ATP6V0A4: variants seen among roughly 807,000 people sequenced by gnomAD.
ATP6V0A4 encodes the protein V-type proton ATPase 116 kDa subunit a 4.
ATP6V0A4 carries 86 observed loss-of-function variants against 107.3 expected under a neutral mutation model. The ratio of observed to expected loss-of-function variants is 0.80; its 90% CI spans 0.67 to 0.96. ATP6V0A4 has a LOEUF of 0.96. Ranked by LOEUF, ATP6V0A4 falls within the 40% of genes least tolerant of loss-of-function variation. The pLI is 0.00. For missense variants in ATP6V0A4, 908 were observed against 1,045.6 expected (o/e 0.87, Z 1.81); for synonymous variants, 353 against 381.4 (o/e 0.93, Z 0.87).
At chr7:138,794,550 ACTCTCTTGGCTACTC>A (rs1808568171) in intron 1 of ATP6V0A4, among the ~76,000 whole-genome samples, 1 of 151,804 alleles carries the variant, frequency 6.6e-6, no homozygotes, top group Admixed American at 6.6e-5. Context: ...CTGGAATCCC[ACTCTCTTGGCTACTC>A]CTCTCTCCAA....
chr7:138,791,596 T>C (rs1418051398), intron 1 of ATP6V0A4, among the ~76,000 whole-genome samples: 1 of 152,164 alleles, frequency 6.6e-6, no homozygotes, highest in African/African-American at 2.4e-5. Context: ...AGAGGCAAAT[T>C]ATCTGCAATG....
rs145157138 is a variant in ATP6V0A4 at position 138,744,828 on chromosome 7, G to A, written c.1478+295C>T. On this transcript the variant is annotated intron_variant, in intron 14 of 21. Transcript: ENST00000310018. ...AGCAATTCTCCTGCCTCAGCCTCCCGAGTAGCTGAGATTCCAGGCACCTGC... is the reference window on the plus strand; with the variant it reads ...AGCAATTCTCCTGCCTCAGCCTCCCAAGTAGCTGAGATTCCAGGCACCTGC... 8.4e-3 allele frequency among the ~76,000 whole-genome samples: 1,271 copies of A among 152,000 alleles called. 19 individuals are homozygous for A. Among genetic ancestry groups the A allele is most frequent in the African/African-American group, 0.028 (1,172 of 41,458 alleles).
chr7:138,723,281 C>T lies in ATP6V0A4; in HGVS notation c.2011-1256G>A, dbSNP rs192090132. ...ATACACATGGTCATAAATCATCAGT[C>T]GTACCTTCCATGTAGCCTTGTGAAA... On this transcript the variant is annotated intron_variant, in intron 18 of 21. Coordinates refer to ENST00000310018, the MANE Select transcript of ATP6V0A4 (RefSeq NM_020632.3). 2.6e-5 allele frequency among the ~76,000 whole-genome samples: 4 copies of T among 152,130 alleles called. No individual in the cohort carries two copies. The East Asian group carries it at 7.7e-4, about 29-fold the overall frequency.
intron 18 of ATP6V0A4, among the ~76,000 whole-genome samples, chr7:138,727,642 C>T (rs1289883119): frequency 6.6e-6 from 1 of 152,170 alleles, no homozygotes; most frequent in Non-Finnish European, 1.5e-5. Flanking sequence ...GCTGCCTGTC[C>T]AGGTCAATAT....
intron 15 of ATP6V0A4, among the ~76,000 whole-genome samples, chr7:138,736,265 G>T (rs144894401): frequency 6.6e-6 from 1 of 151,944 alleles, no homozygotes; most frequent in Non-Finnish European, 1.5e-5. Flanking sequence ...TAAATAAAAA[G>T]AAAATTTTAA....
At position 138,798,015 on chromosome 7, in the gene ATP6V0A4, C is replaced by A. The variant is rs771429372; in HGVS notation, c.-121+19G>T. 1.9e-6 allele frequency: 3 copies of A among 1,550,158 alleles called. No individual in the cohort carries two copies. The highest frequency in any genetic ancestry group is 2.6e-6 in the Non-Finnish European group (3 of 1,146,506). ...TGGCAGAGTTGCTTTCCAGCTCCTG[C>A]AGGTGGGAGTCGACTCACCTGCAGC... On this transcript the variant is annotated intron_variant, in intron 1 of 21. Transcript: ENST00000310018.
chr7:138,735,797 C>G (rs145469962), intron 15 of ATP6V0A4, among the ~76,000 whole-genome samples: 19 of 152,380 alleles, frequency 1.2e-4, no homozygotes, highest in African/African-American at 4.6e-4. Context: ...TAGACCCAGC[C>G]AAATCTGACA....
intron 20 of ATP6V0A4, among the ~76,000 whole-genome samples, chr7:138,710,478 C>G (rs1015139505): frequency 6.6e-6 from 1 of 152,130 alleles, no homozygotes; most frequent in Non-Finnish European, 1.5e-5. Context: ...CGTAAGCCAC[C>G]GCGCCCAGCC....
rs576453766 is a variant in ATP6V0A4 at position 138,773,354 on chromosome 7, G to A, written c.-17-2090C>T. On this transcript the variant is annotated intron_variant, in intron 2 of 21. Transcript: ENST00000310018. The surrounding 1 kb of genome is among the most constrained non-coding windows in gnomAD (Gnocchi z 5.4). ...CTCTCCACCGTCCATCCCACGCCCC[G>A]CATGACCCTGTCACTCCTCCAGTCT... 1.8e-4 allele frequency among the ~76,000 whole-genome samples: 27 copies of A among 152,100 alleles called. No homozygotes were observed. Among genetic ancestry groups the A allele is most frequent in the African/African-American group, 5.5e-4 (23 of 41,478 alleles).
intron 14 of ATP6V0A4, among the ~76,000 whole-genome samples, chr7:138,741,524 C>G (rs994436241): frequency 3.9e-5 from 6 of 152,168 alleles, no homozygotes; most frequent in African/African-American, 9.7e-5. Context: ...CTTCATAGAA[C>G]AGCAACATCA....
At chr7:138,751,183 T>G (rs1418951242) in intron 11 of ATP6V0A4, among the ~76,000 whole-genome samples, 1 of 152,098 alleles carries the variant, frequency 6.6e-6, no homozygotes, top group Admixed American at 6.6e-5. Flanking sequence ...CCCCGTGAAA[T>G]TATTCAAACA....
chr7:138,712,769 G>A (rs535287127), intron 20 of ATP6V0A4, among the ~76,000 whole-genome samples: 23 of 152,146 alleles, frequency 1.5e-4, no homozygotes, highest in African/African-American at 4.6e-4. Flanking sequence ...GTATGGGCTG[G>A]CCAGAGGACA....
Position 138,771,194 on chromosome 7 carries a change from C to G in ATP6V0A4, c.54G>C (p.Gln18His). ...EEMCLSQLFL[Q>H]VEAAYCCVAE... Reference sequence around the variant, plus strand: ...CCACACAGCAATATGCAGCTTCCACCTGGAGAAACAGTTGTGACAAACACA... The same window carrying G: ...CCACACAGCAATATGCAGCTTCCACGTGGAGAAACAGTTGTGACAAACACA... Residue 18 changes from glutamine to histidine, a missense_variant, in exon 3 of 22, where the codon CAG (glutamine) becomes CAC (histidine). By Grantham distance (24) the Gln-to-His change is conservative (BLOSUM62 0). Coordinates refer to ENST00000310018, the MANE Select transcript of ATP6V0A4 (RefSeq NM_020632.3). The G allele has an allele frequency of 6.2e-7, 1 of 1,614,188 alleles. No individual in the cohort carries two copies. The highest frequency in any genetic ancestry group is 8.5e-7 in the Non-Finnish European group (1 of 1,180,026).
chr7:138,738,964 G>T (rs1050192890), intron 15 of ATP6V0A4, among the ~76,000 whole-genome samples: 1 of 152,184 alleles, frequency 6.6e-6, no homozygotes, highest in Non-Finnish European at 1.5e-5. Context: ...ACATGAACGG[G>T]CATGTGTTGT....
At chr7:138,761,331 CA>C (rs11350259) in intron 7 of ATP6V0A4, among the ~76,000 whole-genome samples, 71,181 of 150,288 alleles carry the variant, frequency 0.47, 17,758 homozygotes, top group African/African-American at 0.63. Flanking sequence ...GAGCCCGTGT[CA>C]AAAAAAAACA....
chr7:138,776,070 C>A (rs1807645498), intron 2 of ATP6V0A4, among the ~76,000 whole-genome samples: 1 of 152,220 alleles, frequency 6.6e-6, no homozygotes, highest in South Asian at 2.1e-4. Flanking sequence ...ACCTCTGCTT[C>A]CCAAAGTGCT....
At chr7:138,786,686 T>A (rs1002518662) in intron 1 of ATP6V0A4, among the ~76,000 whole-genome samples, 13 of 151,532 alleles carry the variant, frequency 8.6e-5, no homozygotes, top group Non-Finnish European at 1.9e-4. Flanking sequence ...GAGAGAGAGA[T>A]TCTCCCTATG....
intron 13 of ATP6V0A4, among the ~76,000 whole-genome samples, chr7:138,746,053 T>TATTTATAATTTAATATATATTTATA (rs1805939331): frequency 7.0e-6 from 1 of 143,052 alleles, no homozygotes. Flanking sequence ...ATTATATATA[T>TATTTATAATTTAATATATATTTATA]ATGCATGCCT....
chr7:138,709,886 A>G (rs1803650278), intron 20 of ATP6V0A4, 91 bp from the exon 21 acceptor site: 2 of 1,348,062 alleles, frequency 1.5e-6, no homozygotes, highest in East Asian at 3.2e-5. Context: ...AAATATATAT[A>G]TATTTTAAAT....
Sources: allele counts gnomAD v4.1 joint callset (sites outside exome capture counted in the v4.1 genomes callset), GRCh38; gene constraint gnomAD v4.1.1; non-coding constraint Gnocchi (gnomAD v3.1); transcripts MANE v1.5; gene names NCBI Gene and HGNC (gene_info 2026-07-23, HGNC 2026-07-21).